DOCK9: variants seen among roughly 807,000 people sequenced by gnomAD.
DOCK9 encodes the protein dedicator of cytokinesis protein 9.
In DOCK9, 89 loss-of-function variants were observed where a neutral mutation model predicts 263.3. That is an observed-to-expected ratio of 0.34 (90% CI 0.28 to 0.40). The LOEUF (loss-of-function observed/expected upper bound fraction) is 0.40. Ranked by LOEUF, DOCK9 falls within the 10% of genes least tolerant of loss-of-function variation. The pLI, the probability that DOCK9 is intolerant of heterozygous loss-of-function variation, is 1.00. For synonymous variants in DOCK9, 976 were observed against 973.1 expected, an observed-to-expected ratio of 1.00 and a Z score of -0.06; for missense variants, 2,140 against 2,603.4, an observed-to-expected ratio of 0.82 and a Z score of 3.87.
At chr13:98,817,451 CT>C (rs10683281) in intron 45 of DOCK9, among the ~76,000 whole-genome samples, 4 of 97,632 alleles carry the variant, frequency 4.1e-5, no homozygotes, top group African/African-American at 1.5e-4. Context: ...ATACACCCAG[CT>C]TTTTTTTTTT....
At chr13:98,806,575 G>A (rs1301600851) in intron 48 of DOCK9, among the ~76,000 whole-genome samples, 1 of 152,140 alleles carries the variant, frequency 6.6e-6, no homozygotes, top group Admixed American at 6.5e-5. Flanking sequence ...AGATGGAAAA[G>A]TGCCTGAAAC....
chr13:98,870,471 C>T (rs369342725), intron 27 of DOCK9, among the ~76,000 whole-genome samples: 80 of 152,254 alleles, frequency 5.3e-4, no homozygotes, highest in African/African-American at 1.8e-3. Flanking sequence ...CTCTAACCCC[C>T]GGCATGACTG....
Position 98,863,042 on chromosome 13 carries a change from G to T in DOCK9, c.3556C>A (p.Pro1186Thr). 6.2e-7 allele frequency: 1 copy of T among 1,610,136 alleles called. No individual in the cohort carries two copies. The highest frequency in any genetic ancestry group is 8.5e-7 in the Non-Finnish European group (1 of 1,178,358). ...VQRINVRDVS[P>T]FPVNAGMTVK... ...ACCATGCCCGCGTTCACAGGGAAGG[G>T]TGACACATCCCTCACATTGATCCGC... Residue 1186 changes from proline to threonine, a missense_variant, in exon 32 of 53, where the codon CCC becomes ACC. Physicochemically the swap from Pro to Thr is conservative, Grantham distance 38 (BLOSUM62 -1). This residue lies in a region of DOCK9 where 1,521 missense variants were observed against 1,741.7 expected (regional missense o/e 0.87). Transcript: ENST00000682017.
chr13:98,846,609 A>G, intron 37 of DOCK9: 1 of 1,282,482 alleles, frequency 7.8e-7, no homozygotes, highest in Non-Finnish European at 1.0e-6. Flanking sequence ...TTAGCAATCA[A>G]ACAGCTAACT....
rs1053991042 is a variant in DOCK9, at chr13:98,916,881, A to G, written c.718-1378T>C. 3.3e-5 allele frequency among the ~76,000 whole-genome samples: 5 copies of G among 152,210 alleles called. No homozygotes were observed. In the South Asian group the frequency reaches 6.2e-4, roughly 19 times the overall value. On this transcript the variant is annotated intron_variant, in intron 7 of 52. Transcript: ENST00000682017. ...ATTTCAAGGGTTCTAAAATGCTTCA[A>G]AATTTTTTAGTTTAGGCACTTTTTT...
chr13:98,962,923 GGCAGCTCCATGACA>G (rs1443315905), intron 1 of DOCK9, among the ~76,000 whole-genome samples: 9 of 152,204 alleles, frequency 5.9e-5, no homozygotes, highest in African/African-American at 2.2e-4. Flanking sequence ...CTCCCATTAG[GGCAGCTCCATGACA>G]GCAGCAGGGT....
intron 2 of DOCK9, chr13:98,950,272 G>C (rs2140873230): frequency 1.3e-6 from 1 of 768,282 alleles, no homozygotes; most frequent in Non-Finnish European, 2.1e-6. Context: ...TTTCTGCCAC[G>C]AGGAATCATA....
At chr13:98,796,315 G>T in intron 52 of DOCK9, 1 of 976,328 alleles carries the variant, frequency 1.0e-6, no homozygotes. Context: ...ACTGTCAGGG[G>T]ATAGGATCAC....
intron 1 of DOCK9, among the ~76,000 whole-genome samples, chr13:99,079,579 T>TA (rs1176613860): frequency 1.3e-5 from 2 of 152,188 alleles, no homozygotes; most frequent in African/African-American, 4.8e-5. Flanking sequence ...TCTTTACTTT[T>TA]AAAAAACTCT....
At chr13:98,938,878 A>C (rs1432681213) in intron 2 of DOCK9, among the ~76,000 whole-genome samples, 1 of 152,256 alleles carries the variant, frequency 6.6e-6, no homozygotes, top group Non-Finnish European at 1.5e-5. Context: ...CCATATGAGC[A>C]ATGAGCTAAA....
intron 45 of DOCK9, among the ~76,000 whole-genome samples, chr13:98,816,658 A>T (rs1399470557): frequency 1.3e-5 from 2 of 148,840 alleles, no homozygotes; most frequent in African/African-American, 2.5e-5. Flanking sequence ...AGGGAAGGTG[A>T]GGCATGGAAA....
intron 2 of DOCK9, among the ~76,000 whole-genome samples, chr13:98,948,465 G>A (rs2056994787): frequency 6.6e-6 from 1 of 152,106 alleles, no homozygotes; most frequent in African/African-American, 2.4e-5. Flanking sequence ...ACAGTTCTAA[G>A]GATGACAACA....
Position 98,797,140 on chromosome 13 carries a change from T to A in DOCK9, c.6131A>T (p.Glu2044Val). The A allele has an allele frequency of 6.2e-7, 1 of 1,614,010 alleles. No individual in the cohort carries two copies. The highest frequency in any genetic ancestry group is 8.5e-7 in the Non-Finnish European group (1 of 1,179,892). ...CTGCTCATGCATGATTTCAGAAAGC[T>A]CCTTCGCCATTTCCCTGTAGTTGGC... Reference protein sequence around the residue: ...MKANYREMAKELSEIMHEQIC... With the variant: ...MKANYREMAKVLSEIMHEQIC... The change falls in exon 52 of 53, where the codon GAG (glutamate) becomes GTG (valine). Residue 2044 changes from glutamate (E) to valine (V), a missense_variant. Physicochemically the swap from Glu to Val is moderately radical, Grantham distance 121 (BLOSUM62 -2). This residue lies in a region of DOCK9 where 619 missense variants were observed against 861.8 expected (regional missense o/e 0.72). Coordinates refer to ENST00000682017, the MANE Select transcript of DOCK9 (RefSeq NM_001366683.2).
intron 1 of DOCK9, among the ~76,000 whole-genome samples, chr13:98,998,150 G>A (rs1188310764): frequency 2.0e-5 from 3 of 152,186 alleles, no homozygotes; most frequent in Non-Finnish European, 4.4e-5. Flanking sequence ...GTGGGGCCGG[G>A]ATAGACAGTG....
chr13:98,933,267 C>T (rs903693413), intron 2 of DOCK9, among the ~76,000 whole-genome samples: 1 of 151,966 alleles, frequency 6.6e-6, no homozygotes, highest in Non-Finnish European at 1.5e-5. Flanking sequence ...ACTCAAGAAA[C>T]TTTAATTATG....
At chr13:98,847,915 C>G (rs2093437458) in intron 37 of DOCK9, among the ~76,000 whole-genome samples, 1 of 152,170 alleles carries the variant, frequency 6.6e-6, no homozygotes, top group African/African-American at 2.4e-5. Flanking sequence ...ACAAGAGGTG[C>G]TGCGAAGAAA....
chr13:98,846,252 G>A (rs1182598236), intron 37 of DOCK9, among the ~76,000 whole-genome samples, 192 bp from the exon 38 acceptor site: 4 of 152,114 alleles, frequency 2.6e-5, no homozygotes, highest in African/African-American at 7.2e-5. Flanking sequence ...TGATGATCCA[G>A]AAGCAAAAAT....
At chr13:98,994,458 ATTAT>A (rs1880534245) in intron 1 of DOCK9, among the ~76,000 whole-genome samples, 1 of 152,216 alleles carries the variant, frequency 6.6e-6, no homozygotes, top group Non-Finnish European at 1.5e-5. Context: ...TCAACAAAGA[ATTAT>A]CCAGCCCAAA....
chr13:99,042,162 G>A (rs567494676), intron 1 of DOCK9, among the ~76,000 whole-genome samples: 1 of 152,324 alleles, frequency 6.6e-6, no homozygotes, highest in South Asian at 2.1e-4. Context: ...CAATAAGTCA[G>A]GCCCTTTTAC....
Sources: gnomAD v4.1 joint callset for allele counts (sites outside exome capture counted in the v4.1 genomes callset) on GRCh38, gnomAD v4.1.1 for gene constraint, gnomAD v4.1.1 regional missense constraint, MANE v1.5 for transcripts, NCBI Gene and HGNC (gene_info 2026-07-23, HGNC 2026-07-21) for gene names.